Variants in PLAC1 observed in about 807,000 individuals in gnomAD.
PLAC1 encodes the protein placenta-specific protein 1.
For synonymous variants in PLAC1, 68 were observed against 62.1 expected, an observed-to-expected ratio of 1.09 and a Z score of -0.44; for missense variants, 136 against 163.2, an observed-to-expected ratio of 0.83 and a Z score of 0.91.
intron 1 of PLAC1, among the ~76,000 whole-genome samples, chrX:134,744,835 G>A (rs959523798): frequency 7.2e-5 from 8 of 111,603 alleles, no homozygotes; most frequent in African/African-American, 2.3e-4. Context: ...GGGATTGGAA[G>A]TTAGAGGACA....
intron 1 of PLAC1, among the ~76,000 whole-genome samples, chrX:134,639,097 A>G (rs1413477747): frequency 9.0e-6 from 1 of 111,264 alleles, no homozygotes; most frequent in African/African-American, 3.3e-5. Context: ...TTTTTACTCA[A>G]TCAAGGAATC....
chrX:134,737,457 G>C (rs1030168130), intron 1 of PLAC1, among the ~76,000 whole-genome samples: 4 of 112,445 alleles, frequency 3.6e-5, no homozygotes, highest in Non-Finnish European at 5.6e-5. Flanking sequence ...TCTAATACTG[G>C]ATGGCAGCTA....
At chrX:134,649,645 A>G (rs112769992) in intron 1 of PLAC1, among the ~76,000 whole-genome samples, 1,421 of 112,210 alleles carry the variant, frequency 0.013, 22 homozygotes, top group African/African-American at 0.044. Context: ...GAGGAAATAC[A>G]TCCAAATGGC....
At chrX:134,580,062 T>A (rs1258576849) in intron 2 of PLAC1, among the ~76,000 whole-genome samples, 1 of 112,305 alleles carries the variant, frequency 8.9e-6, no homozygotes, top group Non-Finnish European at 1.9e-5. Context: ...AGGTTCAAGG[T>A]AGGCAGGCCA....
At chrX:134,736,463 C>T (rs1272653617) in intron 1 of PLAC1, among the ~76,000 whole-genome samples, 1 of 109,896 alleles carries the variant, frequency 9.1e-6, no homozygotes, top group Non-Finnish European at 1.9e-5. Context: ...AGTGACAGAG[C>T]CCCAAACCGC....
chrX:134,651,725 T>A (rs1390876191), intron 1 of PLAC1, among the ~76,000 whole-genome samples: 2 of 96,934 alleles, frequency 2.1e-5, no homozygotes, highest in Non-Finnish European at 4.1e-5. Flanking sequence ...CCCCCTCACC[T>A]TTTTCCCCCC....
Position 134,566,320 on chromosome X carries a change from G to T in PLAC1, c.363C>A (p.Ser121=). 1 of 1,211,828 alleles carries T rather than the reference G, an allele frequency of 8.3e-7. No homozygotes were observed. Among genetic ancestry groups the T allele is most frequent in the South Asian group, 1.8e-5 (1 of 56,983 alleles). The change falls in exon 3 of 3, where the codon TCC becomes TCA. Residue 121 remains serine, a synonymous_variant. Coordinates refer to ENST00000359237, the MANE Select transcript of PLAC1 (RefSeq NM_021796.4). ...IPVSCAAPQK[S]PWLTKPCSMR... ...TGGAGCAGGGCTTGGTGAGCCATGG[G>T]GACTTTTGGGGGGCAGCACATGACA...
At chrX:134,596,996 T>A (rs2078065193) in intron 2 of PLAC1, among the ~76,000 whole-genome samples, 1 of 111,374 alleles carries the variant, frequency 9.0e-6, no homozygotes, top group Admixed American at 9.7e-5. Flanking sequence ...TTTCTTTGGG[T>A]TTAGCATGTT....
chrX:134,703,329 A>T (rs1392971023), intron 2 of PLAC1, among the ~76,000 whole-genome samples: 1 of 112,035 alleles, frequency 8.9e-6, no homozygotes, highest in African/African-American at 3.2e-5. Flanking sequence ...AAATAGACTG[A>T]CAATAGATAA....
At chrX:134,755,630 A>T (rs2078754755) in intron 1 of PLAC1, among the ~76,000 whole-genome samples, 1 of 110,878 alleles carries the variant, frequency 9.0e-6, no homozygotes, top group Admixed American at 9.6e-5. Flanking sequence ...ATCTCTTACT[A>T]TGTGTGAAGT....
At chrX:134,739,914 T>C (rs1420199673) in intron 1 of PLAC1, among the ~76,000 whole-genome samples, 1 of 112,406 alleles carries the variant, frequency 8.9e-6, no homozygotes, top group African/African-American at 3.2e-5. Context: ...TGGAAATATA[T>C]GCACATTTGC....
intron 2 of PLAC1, among the ~76,000 whole-genome samples, chrX:134,674,694 A>T (rs1029191059): frequency 1.4e-4 from 16 of 112,351 alleles, no homozygotes; most frequent in Admixed American, 2.8e-4. Flanking sequence ...TTTCATGTAG[A>T]TGTGGCCCAA....
At chrX:134,636,206 T>A (rs934283843) in intron 1 of PLAC1, among the ~76,000 whole-genome samples, 1 of 112,261 alleles carries the variant, frequency 8.9e-6, no homozygotes, top group Admixed American at 9.4e-5. Context: ...CCAGAAATGA[T>A]ACAATGCTTA....
intron 1 of PLAC1, among the ~76,000 whole-genome samples, chrX:134,616,548 A>G (rs1323604349): frequency 9.1e-6 from 1 of 109,320 alleles, no homozygotes; most frequent in Non-Finnish European, 1.9e-5. Context: ...AGGCAGGAGA[A>G]TGGTGTGAAC....
At chrX:134,655,293 T>C in intron 1 of PLAC1, among the ~76,000 whole-genome samples, 1 of 107,389 alleles carries the variant, frequency 9.3e-6, no homozygotes, top group Non-Finnish European at 1.9e-5. Flanking sequence ...CATTTCAACA[T>C]AGTTGCTGTG....
At chrX:134,580,651 G>C in intron 2 of PLAC1, among the ~76,000 whole-genome samples, 1 of 111,583 alleles carries the variant, frequency 9.0e-6, no homozygotes, top group Non-Finnish European at 1.9e-5. Flanking sequence ...TTTTCAAGCA[G>C]GGGAAATTGA....
At chrX:134,598,208 C>T (rs959981849) in intron 2 of PLAC1, among the ~76,000 whole-genome samples, 4 of 111,922 alleles carry the variant, frequency 3.6e-5, no homozygotes, top group Non-Finnish European at 5.6e-5. Flanking sequence ...CATTTTAATA[C>T]GTTGTCTTTG....
At chrX:134,697,501 A>G (rs771087053) in intron 2 of PLAC1, among the ~76,000 whole-genome samples, 1 of 112,274 alleles carries the variant, frequency 8.9e-6, no homozygotes, top group Non-Finnish European at 1.9e-5. Flanking sequence ...TCCTTCAACA[A>G]ATATTCATCT....
intron 2 of PLAC1, among the ~76,000 whole-genome samples, chrX:134,592,784 C>T (rs1815171057): frequency 1.0e-5 from 1 of 98,338 alleles, no homozygotes; most frequent in Admixed American, 1.2e-4. Flanking sequence ...AGTGCAGTGA[C>T]GCGATCTCGG....
Sources: gnomAD v4.1 joint callset for allele counts (sites outside exome capture counted in the v4.1 genomes callset) on GRCh38, gnomAD v4.1.1 for gene constraint, MANE v1.5 for transcripts, NCBI Gene and HGNC (gene_info 2026-07-23, HGNC 2026-07-21) for gene names.